Variants in ELAPOR2 observed in about 807,000 individuals in gnomAD.
ELAPOR2 encodes the protein endosome/lysosome-associated apoptosis and autophagy regulator family member 2.
ELAPOR2 carries 89 observed loss-of-function variants against 120.7 expected under a neutral mutation model. The observed-to-expected ratio is 0.74, with a 90% CI of 0.62 to 0.88. The LOEUF (loss-of-function observed/expected upper bound fraction) is 0.88, where lower values mean the gene tolerates loss of function less well. Ranked by LOEUF, ELAPOR2 falls within the 40% of genes least tolerant of loss-of-function variation. The pLI is 0.00. For missense variants in ELAPOR2, 1,134 were observed against 1,251.6 expected, an observed-to-expected ratio of 0.91 and a Z score of 1.42; for synonymous variants, 444 against 444.9, an observed-to-expected ratio of 1.00 and a Z score of 0.03.
At chr7:86,905,162 GAGAA>G (rs201644275) in intron 18 of ELAPOR2, among the ~76,000 whole-genome samples, 2,126 of 149,192 alleles carry the variant, frequency 0.014, 70 homozygotes, top group African/African-American at 0.048. Context: ...GAGAGAAAGA[GAGAA>G]AGAAAGAAAG....
At chr7:86,945,172 T>C in intron 3 of ELAPOR2, 126 bp from the exon 4 acceptor site, 1 of 785,676 alleles carries the variant, frequency 1.3e-6, no homozygotes, top group Non-Finnish European at 2.0e-6. Context: ...ACCAGAAGCT[T>C]TTCCAGACTC....
At chr7:86,970,434 G>A (rs1792067583) in intron 1 of ELAPOR2, among the ~76,000 whole-genome samples, 1 of 152,072 alleles carries the variant, frequency 6.6e-6, no homozygotes, top group Non-Finnish European at 1.5e-5. Flanking sequence ...TATTTGATGA[G>A]ACCGCAAATC....
intron 1 of ELAPOR2, among the ~76,000 whole-genome samples, chr7:86,984,898 C>G (rs1792657899): frequency 6.6e-6 from 1 of 152,016 alleles, no homozygotes; most frequent in Non-Finnish European, 1.5e-5. Context: ...AATCCTGGAG[C>G]TGGTTTTTTG....
chr7:87,023,828 T>C (rs1376241218), intron 1 of ELAPOR2, among the ~76,000 whole-genome samples: 4 of 152,200 alleles, frequency 2.6e-5, no homozygotes, highest in East Asian at 1.9e-4. Context: ...TTTGAAGCAA[T>C]TGTGAATGGG....
At chr7:87,055,826 G>A (rs1308829877) in intron 1 of ELAPOR2, among the ~76,000 whole-genome samples, 1 of 152,122 alleles carries the variant, frequency 6.6e-6, no homozygotes, top group Non-Finnish European at 1.5e-5. Context: ...CTAGCACATG[G>A]TATAAACTGA....
rs552385985 is a variant in ELAPOR2 at position 86,891,945 on chromosome 7, A to T, written c.2865-56T>A. On this transcript the variant is annotated intron_variant, in intron 20 of 21. Coordinates refer to ENST00000450689, the MANE Select transcript of ELAPOR2 (RefSeq NM_001142749.3). ...AGTATCCATTTATGTTAATATAAAT[A>T]AATACTTATTTTAGGTGGTAATATA... 9.7e-6 allele frequency: 11 copies of T among 1,135,716 alleles called. No individual in the cohort carries two copies. The African/African-American group carries it at 1.7e-4, about 18-fold the overall frequency. The allele number at this position is 1,135,716 out of a possible 1,614,324, so 70.4% of individuals were successfully genotyped here. A position where few individuals can be genotyped will look rare whatever the true frequency, so the allele number is the denominator to read the frequency against.
chr7:87,039,962 C>G (rs142090309), intron 1 of ELAPOR2, among the ~76,000 whole-genome samples: 2 of 151,816 alleles, frequency 1.3e-5, no homozygotes, highest in South Asian at 2.1e-4. Context: ...ACTCGGGAAG[C>G]GCAAGGGGTC....
chr7:86,907,789 A>C lies in ELAPOR2; in HGVS notation c.2457-18T>G, dbSNP rs774441803. 6.9e-7 allele frequency: 1 copy of C among 1,457,176 alleles called. No individual in the cohort carries two copies. The highest frequency in any genetic ancestry group is 1.3e-5 in the South Asian group (1 of 74,906). 90.3% of individuals were successfully genotyped at this position (1,457,176 alleles called of 1,614,324 possible). ...TAGAAGACCTATTGTAAGCCAAATA[A>C]CATTTTTAAAAAACAGATATAATAC... On this transcript the variant is annotated intron_variant, in intron 17 of 21. Transcript: ENST00000450689.
At chr7:87,013,168 A>G (rs112890769) in intron 1 of ELAPOR2, among the ~76,000 whole-genome samples, 4 of 152,344 alleles carry the variant, frequency 2.6e-5, no homozygotes, top group African/African-American at 9.6e-5. Context: ...TCTACTTTAT[A>G]TCACAGTTTA....
intron 17 of ELAPOR2, among the ~76,000 whole-genome samples, chr7:86,907,983 T>A (rs2116037638): frequency 6.6e-6 from 1 of 152,108 alleles, no homozygotes; most frequent in Non-Finnish European, 1.5e-5. Flanking sequence ...TGATATGTTA[T>A]CATCAAAGTA....
At chr7:86,929,133 G>GA (rs113831082) in intron 8 of ELAPOR2, among the ~76,000 whole-genome samples, 21 of 149,950 alleles carry the variant, frequency 1.4e-4, no homozygotes, top group African/African-American at 2.2e-4. Context: ...TATACAGCAT[G>GA]AAAAAAAAAC....
At chr7:87,055,367 T>G (rs1256945506) in intron 1 of ELAPOR2, among the ~76,000 whole-genome samples, 2 of 152,244 alleles carry the variant, frequency 1.3e-5, no homozygotes, top group African/African-American at 4.8e-5. Flanking sequence ...GTCCTACTAC[T>G]GCATCCTATT....
In ELAPOR2 at chr7:86,892,959, C is replaced by A; in HGVS notation, c.2827G>T (p.Val943Leu). ...TTCCAGAAGTAGCAGGTCAGAGCCA[C>A]CAGCAAAACGGCAGTAAAAGCTCCC... The part of the protein sequence containing the change: ...GVGAFTAVLL[V>L]ALTCYFWKKN... Residue 943 changes from valine to leucine, a missense_variant, in exon 20 of 22, where the codon GTG (valine) becomes TTG (leucine). Val to Leu is a conservative substitution (Grantham distance 32). This residue lies in a region of ELAPOR2 where 831 missense variants were observed against 867.6 expected (regional missense o/e 0.96). Transcript: ENST00000450689. 2 of 1,573,152 alleles carry A rather than the reference C, an allele frequency of 1.3e-6. No homozygotes were observed. Among genetic ancestry groups the A allele is most frequent in the South Asian group, 1.2e-5 (1 of 83,650 alleles).
chr7:86,949,964 G>C (rs975299007), intron 2 of ELAPOR2, among the ~76,000 whole-genome samples: 3 of 152,174 alleles, frequency 2.0e-5, no homozygotes, highest in African/African-American at 7.2e-5. Context: ...CTGGGGGCTG[G>C]GTTGCCAGTC....
chr7:87,018,959 C>T lies in ELAPOR2; in HGVS notation c.189+40366G>A, dbSNP rs535516037. Among the ~76,000 whole-genome samples, 65 of 152,154 alleles carry T rather than the reference C, an allele frequency of 4.3e-4. 1 individual carries two copies. The highest frequency in any genetic ancestry group is 3.4e-3 in the Middle Eastern group (1 of 294). On this transcript the variant is annotated intron_variant, in intron 1 of 21. Transcript: ENST00000450689. ...TTTGCTCATTATCAAACATATACAC[C>T]AATCACCTAAGGGAGACTTGGAAAA...
At chr7:87,003,279 A>G (rs1382562857) in intron 1 of ELAPOR2, among the ~76,000 whole-genome samples, 5 of 151,918 alleles carry the variant, frequency 3.3e-5, no homozygotes, top group Non-Finnish European at 7.4e-5. Flanking sequence ...CCAGCCAAGA[A>G]CCCCTTTCCT....
Position 86,955,911 on chromosome 7 carries a change from G to A in ELAPOR2, c.311-7989C>T, listed in dbSNP as rs542444209. ...ATAACTAAACTGAGAAAAATCCACT[G>A]TCTTCAAGTGAAAAATAATAGCATT... On this transcript the variant is annotated intron_variant, in intron 2 of 21. Coordinates refer to ENST00000450689, the MANE Select transcript of ELAPOR2 (RefSeq NM_001142749.3). 2.7e-5 allele frequency among the ~76,000 whole-genome samples: 4 copies of A among 147,810 alleles called. No individual in the cohort carries two copies. The South Asian group carries it at 8.5e-4, about 31-fold the overall frequency.
intron 11 of ELAPOR2, 114 bp downstream of exon 11, chr7:86,919,106 A>G (rs892018871): frequency 7.7e-6 from 5 of 647,204 alleles, no homozygotes; most frequent in African/African-American, 7.3e-5. Context: ...CTTGTTATTT[A>G]CTAAGTATTT....
At position 86,907,691 on chromosome 7, in the gene ELAPOR2, G is replaced by A. The variant is rs1313041726; in HGVS notation, c.2537C>T (p.Ala846Val). The A allele has an allele frequency of 6.3e-7, 1 of 1,576,592 alleles. No individual in the cohort carries two copies. The highest frequency in any genetic ancestry group is 1.4e-5 in the African/African-American group (1 of 72,152). ...ATACCTGGGGACTGAAATCACTCCT[G>A]CTCCAGATTTAGTAGGATTACACCT... Reference protein sequence around the residue: ...KMRCNPTKSGAGVISVPSKCP... With the variant: ...KMRCNPTKSGVGVISVPSKCP... The change falls in exon 18 of 22, where the codon GCA becomes GTA. Residue 846 changes from alanine to valine, a missense_variant. Physicochemically the swap from Ala to Val is moderately conservative, Grantham distance 64. Coordinates refer to ENST00000450689, the MANE Select transcript of ELAPOR2 (RefSeq NM_001142749.3).
Sources: allele counts gnomAD v4.1 joint callset (sites outside exome capture counted in the v4.1 genomes callset), GRCh38; gene constraint gnomAD v4.1.1; regional missense constraint gnomAD v4.1.1; transcripts MANE v1.5; gene names NCBI Gene and HGNC (gene_info 2026-07-23, HGNC 2026-07-21).